ZNF263: variants seen among roughly 807,000 people sequenced by gnomAD.
ZNF263 encodes zinc finger protein 263.
ZNF263 carries 49 observed loss-of-function variants against 63.1 expected under a neutral mutation model. The ratio of observed to expected loss-of-function variants is 0.78; its 90% CI spans 0.62 to 0.99. The LOEUF (loss-of-function observed/expected upper bound fraction) is 0.99. Ranked by LOEUF, ZNF263 falls within the 50% of genes least tolerant of loss-of-function variation. The pLI is 0.00. For missense variants in ZNF263, 872 were observed against 854.8 expected (o/e 1.02, Z -0.25); for synonymous variants, 352 against 324.2 (o/e 1.09, Z -0.92).
At chr16:3,298,397 A>T (rs1959826383) in intron 1 of ZNF263, among the ~76,000 whole-genome samples, 1 of 152,274 alleles carries the variant, frequency 6.6e-6, no homozygotes, top group South Asian at 2.1e-4. Context: ...ATGTTAAGAC[A>T]GTAAGAGATA....
chr16:3,299,672 T>C lies in ZNF263; in HGVS notation c.*46+516T>C, dbSNP rs200620794. The stretch of plus-strand genomic sequence containing the variant: ...GTGTTATGGGGGAAGAACATACATT[T>C]TATTCGACCATCCTCACTGGTTAGG... On this transcript the variant is annotated intron_variant, in intron 2 of 2. Coordinates refer to the ZNF263 transcript ENST00000574674. 4 of 1,547,148 alleles carry C rather than the reference T, an allele frequency of 2.6e-6. No individual in the cohort carries two copies. The East Asian group carries it at 9.0e-5, about 35-fold the overall frequency.
At chr16:3,295,736 C>T, downstream of ZNF263, among the ~76,000 whole-genome samples, 1 of 152,216 alleles carries the variant, frequency 6.6e-6, no homozygotes, top group East Asian at 1.9e-4. Flanking sequence ...GGAGAGGGGA[C>T]AGAAAAGGAA....
chr16:3,295,009 T>C (rs909619718), downstream of ZNF263, among the ~76,000 whole-genome samples: 5 of 152,082 alleles, frequency 3.3e-5, no homozygotes, highest in Non-Finnish European at 7.4e-5. Context: ...AGTTCTCGGC[T>C]CTCCTGGGCC....
intron 1 of ZNF263, among the ~76,000 whole-genome samples, chr16:3,298,328 T>C (rs1959822571): frequency 6.6e-6 from 1 of 152,236 alleles, no homozygotes; most frequent in African/African-American, 2.4e-5. Flanking sequence ...AAGACTAACA[T>C]ATATATACGA....
At position 3,289,741 on chromosome 16, in the gene ZNF263, C is replaced by G; in HGVS notation, c.1235C>G (p.Thr412Ser). Residue 412 changes from threonine (T) to serine (S), a missense_variant, in exon 6 of 6, where the codon ACT (threonine) becomes AGT (serine). Thr to Ser is a moderately conservative substitution (Grantham distance 58, BLOSUM62 1). Transcript: ENST00000219069. ...AERLCMGVDCTEIFGGNPRFL... is the reference protein window; with the variant it reads ...AERLCMGVDCSEIFGGNPRFL... ...AGACTGTGTATGGGTGTGGACTGCACTGAAATCTTTGGTGGGAACCCACGT... is the reference window on the plus strand; with the variant it reads ...AGACTGTGTATGGGTGTGGACTGCAGTGAAATCTTTGGTGGGAACCCACGT... 1.2e-6 allele frequency: 2 copies of G among 1,614,152 alleles called. No homozygotes were observed. The highest frequency in any genetic ancestry group is 1.7e-6 in the Non-Finnish European group (2 of 1,180,032).
Position 3,290,218 on chromosome 16 carries a change from A to G in ZNF263, c.1712A>G (p.Glu571Gly). 6.2e-7 allele frequency: 1 copy of G among 1,614,222 alleles called. No homozygotes were observed. The highest frequency in any genetic ancestry group is 8.5e-7 in the Non-Finnish European group (1 of 1,180,026). ...FLTNHGAHKA[E>G]KKLFECLTCG... ...ACAAACCATGGAGCCCATAAGGCAGAGAAGAAGCTCTTTGAATGTTTGACT... is the reference window on the plus strand; with the variant it reads ...ACAAACCATGGAGCCCATAAGGCAGGGAAGAAGCTCTTTGAATGTTTGACT... Residue 571 changes from glutamate (E) to glycine (G), a missense_variant, in exon 6 of 6, where the codon GAG becomes GGG. By Grantham distance (98) the Glu-to-Gly change is moderately conservative. Transcript: ENST00000219069.
Position 3,285,219 on chromosome 16 carries a change from C to A in ZNF263, c.548C>A (p.Pro183His). Residue 183 changes from proline to histidine, a missense_variant, in exon 2 of 6, where the codon CCC becomes CAC. Coordinates refer to ENST00000219069, the MANE Select transcript of ZNF263 (RefSeq NM_005741.5). ...ELLGPSPQRD[P>H]QAVKERALSA... The stretch of plus-strand genomic sequence containing the variant: ...CTAGGCCCCAGCCCCCAAAGGGACC[C>A]CCAGGCTGTAAAGGAGAGGGGTGAG... 6.2e-7 allele frequency: 1 copy of A among 1,613,170 alleles called. No homozygotes were observed. Among genetic ancestry groups the A allele is most frequent in the South Asian group, 1.1e-5 (1 of 91,026 alleles).
rs1008964942 is a variant in ZNF263 at position 3,283,660 on chromosome 16, G to A, written c.-159G>A. Reference sequence around the variant, plus strand: ...TGGGACCGACTGAGGCCTAGGCGCCGGAGCCGGCCGCGCCTGGGCTGGAGC... The same window carrying A: ...TGGGACCGACTGAGGCCTAGGCGCCAGAGCCGGCCGCGCCTGGGCTGGAGC... On this transcript the variant is annotated 5_prime_UTR_variant, in exon 1 of 6. Coordinates refer to ENST00000219069, the MANE Select transcript of ZNF263 (RefSeq NM_005741.5). 4 of 1,232,572 alleles carry A rather than the reference G, an allele frequency of 3.2e-6. No homozygotes were observed. Among genetic ancestry groups the A allele is most frequent in the African/African-American group, 1.6e-5 (1 of 63,430 alleles). The allele number at this position is 1,232,572 out of a possible 1,614,324, so 76.4% of individuals were successfully genotyped here.
At position 3,289,845 on chromosome 16, in the gene ZNF263, A is replaced by G; in HGVS notation, c.1339A>G (p.Thr447Ala). ...LECGKCFSQN[T>A]HLTRHQRTHT... ...ATGTGGGAAATGCTTCAGTCAGAAC[A>G]CCCATCTGACTCGCCACCAACGCAC... The change falls in exon 6 of 6, where the codon ACC becomes GCC. Residue 447 changes from threonine (T) to alanine (A), a missense_variant. Coordinates refer to ENST00000219069, the MANE Select transcript of ZNF263 (RefSeq NM_005741.5). 1 of 1,614,136 alleles carries G rather than the reference A, an allele frequency of 6.2e-7. No homozygotes were observed. The highest frequency in any genetic ancestry group is 8.5e-7 in the Non-Finnish European group (1 of 1,180,026).
chr16:3,290,454 C>T lies in ZNF263; in HGVS notation c.1948C>T (p.Leu650=), dbSNP rs540509238. Residue 650 remains leucine, a synonymous_variant, in exon 6 of 6, where the codon CTG becomes TTG. Transcript: ENST00000219069. ...TCACAGCTCCAATCGGATTCGCCAC[C>T]TGAGAACGCATACGGGAGAGAGACC... ...FSHSSNRIRH[L]RTHTGERPYK... 2.1e-4 allele frequency: 345 copies of T among 1,614,134 alleles called. 3 individuals carry two copies. The South Asian group carries it at 3.6e-3, about 17-fold the overall frequency.
At chr16:3,288,119 G>A (rs1959448563) in intron 4 of ZNF263, among the ~76,000 whole-genome samples, 1 of 152,008 alleles carries the variant, frequency 6.6e-6, no homozygotes, top group South Asian at 2.1e-4. Context: ...GGGTGTGGTG[G>A]TGCACGCCTG....
At chr16:3,299,520 A>C in intron 2 of ZNF263, 1 of 1,532,242 alleles carries the variant, frequency 6.5e-7, no homozygotes, top group Non-Finnish European at 8.7e-7. Context: ...AAACTCCTTT[A>C]TCTCCTTTCT....
intron 1 of ZNF263, 101 bp from the exon 2 acceptor site, chr16:3,284,958 G>A: frequency 2.1e-6 from 3 of 1,428,314 alleles, no homozygotes; most frequent in Non-Finnish European, 1.9e-6. Context: ...CAAAGGGATC[G>A]CCTGAGGTTC....
At chr16:3,287,133 G>A (rs1959390894) in intron 4 of ZNF263, among the ~76,000 whole-genome samples, 1 of 152,182 alleles carries the variant, frequency 6.6e-6, no homozygotes, top group African/African-American at 2.4e-5. Flanking sequence ...TGCCTAAAAA[G>A]TATCACAACT....
At chr16:3,284,306 CTT>C in intron 1 of ZNF263, 101 bp downstream of exon 1, 1 of 1,409,138 alleles carries the variant, frequency 7.1e-7, no homozygotes, top group East Asian at 2.5e-5. Flanking sequence ...CTGAGTAGAC[CTT>C]ACGTGGGGAA....
chr16:3,296,505 TTATGGACTAA>T (rs1381163157), intron 1 of ZNF263, among the ~76,000 whole-genome samples: 2 of 152,104 alleles, frequency 1.3e-5, no homozygotes, highest in Non-Finnish European at 2.9e-5. Context: ...CTTGCAGTCA[TTATGGACTAA>T]TCTTAAAAAA....
At position 3,283,631 on chromosome 16, in the gene ZNF263, C is replaced by T; in HGVS notation, c.-188C>T. The stretch of plus-strand genomic sequence containing the variant: ...ATGGGCCACGGGGCCGGCGTGGCGG[C>T]GCCTGGGACCGACTGAGGCCTAGGC... On this transcript the variant is annotated 5_prime_UTR_variant, in exon 1 of 6. Coordinates refer to ENST00000219069, the MANE Select transcript of ZNF263 (RefSeq NM_005741.5). 2 of 871,076 alleles carry T rather than the reference C, an allele frequency of 2.3e-6. No individual in the cohort carries two copies. Among genetic ancestry groups the T allele is most frequent in the Non-Finnish European group, 3.0e-6 (2 of 656,366 alleles). The allele number at this position is 871,076 out of a possible 1,614,324, so 54.0% of individuals were successfully genotyped here.
chr16:3,285,069 A>C lies in ZNF263; in HGVS notation c.398A>C (p.His133Pro), dbSNP rs373743743. 18 of 1,614,122 alleles carry C rather than the reference A, an allele frequency of 1.1e-5. No individual in the cohort carries two copies. The highest frequency in any genetic ancestry group is 1.4e-5 in the Non-Finnish European group (17 of 1,180,020). Residue 133 changes from histidine (H) to proline (P), a missense_variant, in exon 2 of 6, where the codon CAT becomes CCT. Physicochemically the swap from His to Pro is moderately conservative, Grantham distance 77. Transcript: ENST00000219069. The part of the protein sequence containing the change: ...LGRLRQQVTN[H>P]GRGTEVLLEE... ...TGGGTTGGTTCCCAGGTCACAAACCATGGGCGGGGAACAGAAGTGCTTTTG... is the reference window on the plus strand; with the variant it reads ...TGGGTTGGTTCCCAGGTCACAAACCCTGGGCGGGGAACAGAAGTGCTTTTG...
chr16:3,289,641 T>A lies in ZNF263; in HGVS notation c.1135T>A (p.Leu379Ile). The change falls in exon 6 of 6, where the codon TTA becomes ATA. Residue 379 changes from leucine (L) to isoleucine (I), a missense_variant. Coordinates refer to ENST00000219069, the MANE Select transcript of ZNF263 (RefSeq NM_005741.5). ...PKELQPKKLHLCPLCGKNFSN... is the reference protein window; with the variant it reads ...PKELQPKKLHICPLCGKNFSN... ...GGAACTGCAGCCAAAGAAACTCCAT[T>A]TATGTCCCTTGTGTGGCAAAAATTT... The A allele has an allele frequency of 4.3e-6, 7 of 1,614,172 alleles. No individual in the cohort carries two copies. Among genetic ancestry groups the A allele is most frequent in the Non-Finnish European group, 5.9e-6 (7 of 1,180,034 alleles).
Sources: allele counts gnomAD v4.1 joint callset (sites outside exome capture counted in the v4.1 genomes callset), GRCh38; gene constraint gnomAD v4.1.1; transcripts MANE v1.5; gene names NCBI Gene and HGNC (gene_info 2026-07-23, HGNC 2026-07-21).